The following LTBP1 variants were observed in gnomAD, a reference collection of about 807,000 sequenced individuals.
LTBP1 encodes the protein latent transforming growth factor beta binding protein 1.
LTBP1 carries 129 observed loss-of-function variants against 207.6 expected under a neutral mutation model. That is an observed-to-expected ratio of 0.62 (90% CI 0.54 to 0.72). The LOEUF (loss-of-function observed/expected upper bound fraction) is 0.72. Among genes scored for constraint, LTBP1 ranks in the 30% least tolerant of loss-of-function variants. The pLI is 0.00. For missense variants in LTBP1, 2,281 were observed against 2,217.2 expected, an observed-to-expected ratio of 1.03 and a Z score of -0.58; for synonymous variants, 963 against 833.7, an observed-to-expected ratio of 1.16 and a Z score of -2.67.
intron 7 of LTBP1, among the ~76,000 whole-genome samples, chr2:33,205,550 T>C (rs750309323): frequency 2.6e-5 from 4 of 152,200 alleles, no homozygotes; most frequent in Non-Finnish European, 5.9e-5. Context: ...TGATAGTGGT[T>C]CCATCATGTT....
chr2:33,148,940 C>T (rs777274953), intron 5 of LTBP1, among the ~76,000 whole-genome samples: 6 of 151,906 alleles, frequency 3.9e-5, no homozygotes, highest in Non-Finnish European at 5.9e-5. Context: ...ATGGGCTGGG[C>T]GCGGTGGCTC....
chr2:33,369,172 G>A (rs2095036738), intron 31 of LTBP1, among the ~76,000 whole-genome samples: 1 of 151,534 alleles, frequency 6.6e-6, no homozygotes, highest in Non-Finnish European at 1.5e-5. Context: ...GAATATCAGG[G>A]GAAAAAAGAT....
chr2:33,199,700 T>A (rs1293473985), intron 7 of LTBP1, among the ~76,000 whole-genome samples: 1 of 152,204 alleles, frequency 6.6e-6, no homozygotes, highest in Admixed American at 6.5e-5. Flanking sequence ...TGTTGGCAGA[T>A]GACATGATTG....
chr2:33,045,905 GCTCT>G (rs1417876897), intron 3 of LTBP1, among the ~76,000 whole-genome samples: 5 of 151,992 alleles, frequency 3.3e-5, no homozygotes, highest in African/African-American at 1.2e-4. Context: ...TCATGATTTG[GCTCT>G]CTGTCTGTCT....
At chr2:33,337,952 GTA>G (rs753781788) in intron 24 of LTBP1, among the ~76,000 whole-genome samples, 1 of 152,142 alleles carries the variant, frequency 6.6e-6, no homozygotes, top group Non-Finnish European at 1.5e-5. Flanking sequence ...TTCATTGTAT[GTA>G]TATACGGGAC....
intron 5 of LTBP1, among the ~76,000 whole-genome samples, chr2:33,164,950 A>G (rs1189305159): frequency 2.0e-5 from 3 of 152,224 alleles, no homozygotes; most frequent in Non-Finnish European, 4.4e-5. Flanking sequence ...ACTTAAAGCA[A>G]GTACATAAGA....
rs3769543 is a variant in LTBP1, at chr2:33,278,331, A to G, written c.2993-1708A>G. 8.5e-5 allele frequency among the ~76,000 whole-genome samples: 13 copies of G among 152,330 alleles called. No homozygotes were observed. In the East Asian group the frequency reaches 2.5e-3, roughly 29 times the overall value. ...CTAGCGTTCCCTCAGTAAATAATAT[A>G]TAATTCTATCCCCATGAAAAGTCTT... is the stretch of plus-strand genomic sequence containing the variant. On this transcript the variant is annotated intron_variant, in intron 18 of 33. Transcript: ENST00000404816.
intron 2 of LTBP1, among the ~76,000 whole-genome samples, chr2:32,994,706 A>C (rs560528314): frequency 1.1e-4 from 17 of 152,170 alleles, no homozygotes; most frequent in Non-Finnish European, 1.6e-4. Flanking sequence ...ACCTCAGATG[A>C]TCCACCCACC....
At chr2:33,309,280 CAAAA>C (rs200196283) in intron 22 of LTBP1, among the ~76,000 whole-genome samples, 150 bp from the exon 23 acceptor site, 2 of 69,484 alleles carry the variant, frequency 2.9e-5, no homozygotes, top group Admixed American at 1.6e-4. Flanking sequence ...GACTCCGTCT[CAAAA>C]AAAAAAAAAA....
chr2:33,040,245 CA>C (rs1018790798), intron 3 of LTBP1, among the ~76,000 whole-genome samples: 7 of 152,082 alleles, frequency 4.6e-5, no homozygotes, highest in African/African-American at 1.2e-4. Flanking sequence ...ACAGGGCATC[CA>C]ACTGTGAGTG....
At chr2:33,165,825 G>A (rs2084864536) in intron 5 of LTBP1, among the ~76,000 whole-genome samples, 1 of 152,176 alleles carries the variant, frequency 6.6e-6, no homozygotes, top group East Asian at 1.9e-4. Flanking sequence ...AAGAGAAGAA[G>A]TACAGTTTTA....
intron 24 of LTBP1, 118 bp downstream of exon 24, chr2:33,315,387 A>T (rs1449019632): frequency 1.5e-5 from 19 of 1,261,366 alleles, no homozygotes; most frequent in Non-Finnish European, 2.0e-5. Context: ...GCCTCAAAGC[A>T]TGTATGCATC....
chr2:33,034,713 T>C (rs2075837214), intron 3 of LTBP1, among the ~76,000 whole-genome samples: 1 of 152,206 alleles, frequency 6.6e-6, no homozygotes, highest in South Asian at 2.1e-4. Context: ...GGTGCACTGG[T>C]TATAGCTGAT....
intron 5 of LTBP1, among the ~76,000 whole-genome samples, chr2:33,146,256 T>C (rs1457178853): frequency 6.6e-6 from 1 of 152,220 alleles, no homozygotes; most frequent in African/African-American, 2.4e-5. Context: ...TTCTTGGGGC[T>C]TGATTTAAAT....
intron 4 of LTBP1, among the ~76,000 whole-genome samples, chr2:33,111,184 C>T (rs373206082): frequency 1.3e-5 from 2 of 152,144 alleles, no homozygotes; most frequent in African/African-American, 4.8e-5. Context: ...TTATAAGACT[C>T]ACCTAGTTTT....
chr2:33,138,864 T>C (rs1486055217), intron 5 of LTBP1, among the ~76,000 whole-genome samples: 2 of 135,564 alleles, frequency 1.5e-5, no homozygotes, highest in Non-Finnish European at 3.2e-5. Context: ...TTTTTTTTTT[T>C]TTTTTTTTTT....
chr2:32,948,928 C>T lies in LTBP1; in HGVS notation c.548C>T (p.Ser183Phe), dbSNP rs748043458. 1 of 1,614,132 alleles carries T rather than the reference C, an allele frequency of 6.2e-7. No individual in the cohort carries two copies. The highest frequency in any genetic ancestry group is 1.7e-4 in the Middle Eastern group (1 of 6,060). ...CATGGCTGGAGTAAGGCCCCTGGCTCCCAGAGGTGCACCAAACGTAAGTTG... is the reference window on the plus strand; with the variant it reads ...CATGGCTGGAGTAAGGCCCCTGGCTTCCAGAGGTGCACCAAACGTAAGTTG... ...CCHGWSKAPG[S>F]QRCTKPSCVP... The change falls in exon 2 of 34, where the codon TCC (serine) becomes TTC (phenylalanine). Residue 183 changes from serine (S) to phenylalanine (F), a missense_variant. By Grantham distance (155) the Ser-to-Phe change is radical (BLOSUM62 -2). Transcript: ENST00000404816.
intron 7 of LTBP1, among the ~76,000 whole-genome samples, chr2:33,213,675 G>T (rs771523042): frequency 2.8e-4 from 42 of 152,150 alleles, no homozygotes; most frequent in Non-Finnish European, 5.1e-4. Context: ...TCTCTCAGAT[G>T]GAGTTTCTGG....
intron 9 of LTBP1, among the ~76,000 whole-genome samples, chr2:33,223,196 A>G (rs987177307): frequency 6.6e-6 from 1 of 152,206 alleles, no homozygotes; most frequent in Non-Finnish European, 1.5e-5. Context: ...TAGATTGTCT[A>G]TCACCCTATT....
Sources: allele counts gnomAD v4.1 joint callset (sites outside exome capture counted in the v4.1 genomes callset), GRCh38; gene constraint gnomAD v4.1.1; transcripts MANE v1.5; gene names NCBI Gene and HGNC (gene_info 2026-07-23, HGNC 2026-07-21).